The following BCL11B variants were observed in gnomAD, a reference collection of about 807,000 sequenced individuals.
BCL11B encodes the protein BCL11 transcription factor B.
A neutral mutation model predicts 49.9 loss-of-function variants in BCL11B; 8 were observed. The ratio of observed to expected loss-of-function variants is 0.16; its 90% confidence interval spans 0.09 to 0.29. The LOEUF is 0.29. Ranked by LOEUF, BCL11B falls within the 10% of genes least tolerant of loss-of-function variation. BCL11B has a pLI of 1.00. For synonymous variants in BCL11B, 739 were observed against 637.4 expected (o/e 1.16, Z -2.40); for missense variants, 1,006 against 1,351.0 (o/e 0.74, Z 4.00).
At chr14:99,197,803 G>C (rs1595236835) in intron 3 of BCL11B, among the ~76,000 whole-genome samples, 1 of 152,180 alleles carries the variant, frequency 6.6e-6, no homozygotes, top group African/African-American at 2.4e-5. Flanking sequence ...GCGTGCGAGG[G>C]AGACATCCTC....
Position 99,228,349 on chromosome 14 carries a change from A to C in BCL11B, c.640+2996T>G, listed in dbSNP as rs1888217240. Among the ~76,000 whole-genome samples the C allele has an allele frequency of 6.6e-6, 1 of 152,212 alleles. No individual in the cohort carries two copies. On this transcript the variant is annotated intron_variant, in intron 3 of 3. Transcript: ENST00000357195. The surrounding 1 kb of genome is among the most constrained non-coding windows in gnomAD (Gnocchi z 4.8). The stretch of plus-strand genomic sequence containing the variant: ...CACAAATCACAAAGGGACAAAAAAC[A>C]CCAGAATAGGATAGTTTCAGGTATT...
At chr14:99,198,108 G>A (rs1187032546) in intron 3 of BCL11B, among the ~76,000 whole-genome samples, 1 of 152,242 alleles carries the variant, frequency 6.6e-6, no homozygotes, top group Non-Finnish European at 1.5e-5. Context: ...GGCAGAGGCT[G>A]CCGATGCAGG....
rs1251297352 is a variant in BCL11B at position 99,232,701 on chromosome 14, T to C, written c.428-1144A>G. Among the ~76,000 whole-genome samples the C allele has an allele frequency of 1.3e-5, 2 of 152,296 alleles. No homozygotes were observed. The highest frequency in any genetic ancestry group is 2.9e-5 in the Non-Finnish European group (2 of 68,018). On this transcript the variant is annotated intron_variant, in intron 2 of 3. Transcript: ENST00000357195. This position sits in a 1 kb window ranked among gnomAD's most constrained non-coding sequence, Gnocchi z 5.1. ...AACTTCCTAACACACTGACGGGAACTGGGGCTTAGAATACCCATTGCACAG... is the reference window on the plus strand; with the variant it reads ...AACTTCCTAACACACTGACGGGAACCGGGGCTTAGAATACCCATTGCACAG...
chr14:99,199,705 CGTGTGTGCGTGTGTGCAT>C (rs1887316503), intron 3 of BCL11B, among the ~76,000 whole-genome samples: 1 of 68,162 alleles, frequency 1.5e-5, no homozygotes, highest in South Asian at 3.6e-4. Context: ...CGCACGTGCA[CGTGTGTGCGTGTGTGCAT>C]GCATATGTGT....
intron 2 of BCL11B, among the ~76,000 whole-genome samples, chr14:99,252,613 C>G (rs893850584): frequency 6.6e-6 from 1 of 152,222 alleles, no homozygotes; most frequent in Non-Finnish European, 1.5e-5. Flanking sequence ...TGGATGAAGA[C>G]ATATCAAGTG....
Position 99,248,942 on chromosome 14 carries a change from A to G in BCL11B, c.427+8529T>C, listed in dbSNP as rs1359232374. ...CATCCTAGGTCTCGAGCCAGAGTCC[A>G]CTGTGCCTGCCTCTCCCCACTCTGG... is the stretch of plus-strand genomic sequence containing the variant. On this transcript the variant is annotated intron_variant, in intron 2 of 3. Coordinates refer to ENST00000357195, the MANE Select transcript of BCL11B (RefSeq NM_138576.4). The surrounding 1 kb of genome is among the most constrained non-coding windows in gnomAD (Gnocchi z 4.7). Among the ~76,000 whole-genome samples, 1 of 152,126 alleles carries G rather than the reference A, an allele frequency of 6.6e-6. No individual in the cohort carries two copies. The highest frequency in any genetic ancestry group is 2.1e-4 in the South Asian group (1 of 4,816).
chr14:99,231,617 G>C lies in BCL11B; in HGVS notation c.428-60C>G, dbSNP rs933685848. 9.3e-6 allele frequency: 14 copies of C among 1,500,076 alleles called. No individual in the cohort carries two copies. The highest frequency in any genetic ancestry group is 2.3e-4 in the Middle Eastern group (1 of 4,356). 92.9% of individuals were successfully genotyped at this position (1,500,076 alleles called of 1,614,324 possible). A position where few individuals can be genotyped will look rare whatever the true frequency, so the allele number is the denominator to read the frequency against. On this transcript the variant is annotated intron_variant, in intron 2 of 3. Coordinates refer to ENST00000357195, the MANE Select transcript of BCL11B (RefSeq NM_138576.4). The surrounding 1 kb of genome is among the most constrained non-coding windows in gnomAD (Gnocchi z 8.1). ...GGGCCCTGGACTGTGTGAGGGGCAC[G>C]GGGTGGGACGGGGCTCGGGGCGTGG...
intron 2 of BCL11B, among the ~76,000 whole-genome samples, chr14:99,255,437 A>C (rs1174197898): frequency 1.0e-5 from 1 of 97,470 alleles, no homozygotes; most frequent in African/African-American, 4.1e-5. Context: ...AAAAAAAAAC[A>C]GGGGGGCCAG....
Position 99,231,431 on chromosome 14 carries a change from C to A in BCL11B, c.554G>T (p.Cys185Phe). ...ACCCGAGACCGGGCGCGCGCTGCAG[C>A]ACGGCAGGGGGAGGCAGGGCGGGAG... ...GALPPCLPLPCCSARPVSGDG... is the reference protein window; with the variant it reads ...GALPPCLPLPFCSARPVSGDG... The change falls in exon 3 of 4, where the codon TGC becomes TTC. Residue 185 changes from cysteine to phenylalanine, a missense_variant. This residue lies in a region of BCL11B where 411 missense variants were observed against 542.2 expected (regional missense o/e 0.76). Coordinates refer to ENST00000357195, the MANE Select transcript of BCL11B (RefSeq NM_138576.4). The surrounding 1 kb of genome is among the most constrained non-coding windows in gnomAD (Gnocchi z 8.1). 6.3e-7 allele frequency: 1 copy of A among 1,597,214 alleles called. No homozygotes were observed. The highest frequency in any genetic ancestry group is 8.5e-7 in the Non-Finnish European group (1 of 1,171,382).
In BCL11B at chr14:99,257,390, C is replaced by T; in HGVS notation, c.427+81G>A. On this transcript the variant is annotated intron_variant, in intron 2 of 3. Coordinates refer to ENST00000357195, the MANE Select transcript of BCL11B (RefSeq NM_138576.4). The surrounding 1 kb of genome is among the most constrained non-coding windows in gnomAD (Gnocchi z 6.2). ...ATCCTGGAAGCCCCTGGGCCTTCCC[C>T]TGCACCAGCACACTCAGGCAGAGGG... 6.7e-7 allele frequency: 1 copy of T among 1,501,994 alleles called. No individual in the cohort carries two copies. Among genetic ancestry groups the T allele is most frequent in the East Asian group, 2.3e-5 (1 of 43,168 alleles). The allele number at this position is 1,501,994 out of a possible 1,614,324, so 93.0% of individuals were successfully genotyped here.
intron 3 of BCL11B, among the ~76,000 whole-genome samples, chr14:99,199,797 ATCT>A (rs958195819): frequency 4.6e-5 from 7 of 151,916 alleles, no homozygotes; most frequent in African/African-American, 7.3e-5. Flanking sequence ...ATAAATACAG[ATCT>A]TCTTGTTTTT....
chr14:99,176,290 G>T, intron 3 of BCL11B, 95 bp from the exon 4 acceptor site: 1 of 1,155,462 alleles, frequency 8.7e-7, no homozygotes, highest in Non-Finnish European at 1.2e-6. Flanking sequence ...GACGCGGCCC[G>T]GGCTGATCCG....
chr14:99,257,381 G>T lies in BCL11B; in HGVS notation c.427+90C>A. 1.4e-6 allele frequency: 2 copies of T among 1,477,976 alleles called. No individual in the cohort carries two copies. The allele number at this position is 1,477,976 out of a possible 1,614,324, so 91.6% of individuals were successfully genotyped here. ...CCAGAGGCCATCCTGGAAGCCCCTG[G>T]GCCTTCCCCTGCACCAGCACACTCA... On this transcript the variant is annotated intron_variant, in intron 2 of 3. Transcript: ENST00000357195. The surrounding 1 kb of genome is among the most constrained non-coding windows in gnomAD (Gnocchi z 6.2).
At chr14:99,206,522 C>T (rs949371016) in intron 3 of BCL11B, among the ~76,000 whole-genome samples, 3 of 152,238 alleles carry the variant, frequency 2.0e-5, no homozygotes, top group African/African-American at 7.2e-5. Context: ...TGAATCTTCC[C>T]TCTGTCCAGC....
chr14:99,252,558 T>C (rs1392375811), intron 2 of BCL11B, among the ~76,000 whole-genome samples: 3 of 152,230 alleles, frequency 2.0e-5, no homozygotes, highest in African/African-American at 7.2e-5. Context: ...GTGCCCCACC[T>C]GCTAAGAGAA....
rs758764980 is a variant in BCL11B at position 99,213,682 on chromosome 14, A to G, written c.640+17663T>C. ...GAGCTTGGGCAGAGCACAAAGGTCTAAGGGGAAGGCATAGAGTCCAGCGTC... is the reference window on the plus strand; with the variant it reads ...GAGCTTGGGCAGAGCACAAAGGTCTGAGGGGAAGGCATAGAGTCCAGCGTC... On this transcript the variant is annotated intron_variant, in intron 3 of 3. Transcript: ENST00000357195. The surrounding 1 kb of genome is among the most constrained non-coding windows in gnomAD (Gnocchi z 5.1). 3.7e-4 allele frequency among the ~76,000 whole-genome samples: 57 copies of G among 152,172 alleles called. No homozygotes were observed. Among genetic ancestry groups the G allele is most frequent in the Non-Finnish European group, 6.6e-4 (45 of 68,030 alleles).
Position 99,174,262 on chromosome 14 carries a change from G to T in BCL11B, c.2574C>A (p.Ile858=). 1 of 1,613,868 alleles carries T rather than the reference G, an allele frequency of 6.2e-7. No homozygotes were observed. The part of the protein sequence containing the change: ...QIGKEVYRCD[I]CQMPFSVYST... Reference sequence around the variant, plus strand: ...TGTAGACGCTGAAGGGCATCTGGCAGATGTCGCAGCGGTACACCTCCTTGC... The same window carrying T: ...TGTAGACGCTGAAGGGCATCTGGCATATGTCGCAGCGGTACACCTCCTTGC... The change falls in exon 4 of 4, where the codon ATC becomes ATA. Residue 858 remains isoleucine (I), a synonymous_variant. Coordinates refer to ENST00000357195, the MANE Select transcript of BCL11B (RefSeq NM_138576.4).
chr14:99,270,779 C>T (rs1048247544), intron 1 of BCL11B, among the ~76,000 whole-genome samples: 1 of 148,166 alleles, frequency 6.7e-6, no homozygotes, highest in Non-Finnish European at 1.5e-5. Flanking sequence ...CCCCAGCCCC[C>T]TCCCCCTCCT....
At chr14:99,187,068 T>C (rs1332889878) in intron 3 of BCL11B, among the ~76,000 whole-genome samples, 2 of 152,148 alleles carry the variant, frequency 1.3e-5, no homozygotes, top group African/African-American at 4.8e-5. Flanking sequence ...AAAACTGAAC[T>C]ATGGCTGCAT....
Sources: allele counts gnomAD v4.1 joint callset (sites outside exome capture counted in the v4.1 genomes callset), GRCh38; gene constraint gnomAD v4.1.1; regional missense constraint gnomAD v4.1.1; non-coding constraint Gnocchi (gnomAD v3.1); transcripts MANE v1.5; gene names NCBI Gene and HGNC (gene_info 2026-07-23, HGNC 2026-07-21).